The following RBBP8NL variants were observed in gnomAD, a reference collection of about 807,000 sequenced individuals.
RBBP8NL encodes RBBP8 N-terminal-like protein.
RBBP8NL carries 59 observed loss-of-function variants against 62.2 expected under a neutral mutation model. That is an observed-to-expected ratio of 0.95 (90% CI 0.77 to 1.18). RBBP8NL has a LOEUF of 1.18. Ranked by LOEUF, RBBP8NL falls within the 50% of genes most tolerant of loss-of-function variation. The pLI, the probability that RBBP8NL is intolerant of heterozygous loss-of-function variation, is 0.00. For missense variants in RBBP8NL, 896 were observed against 899.5 expected (o/e 1.00, Z 0.05); for synonymous variants, 412 against 394.1 (o/e 1.05, Z -0.54).
chr20:62,413,861 C>A lies in RBBP8NL; in HGVS notation c.1490G>T (p.Gly497Val). The change falls in exon 10 of 14, where the codon GGG (glycine) becomes GTG (valine). Residue 497 changes from glycine (G) to valine (V), a missense_variant. Physicochemically the swap from Gly to Val is moderately radical, Grantham distance 109. Transcript: ENST00000252998. ...CTCCTCCTGCTCTGGCACTCTGGTCCCCTTGGTGCCATTGCTGAGTGCCTG... is the reference window on the plus strand; with the variant it reads ...CTCCTCCTGCTCTGGCACTCTGGTCACCTTGGTGCCATTGCTGAGTGCCTG... ...SPQALSNGTK[G>V]TRVPEQEEAS... 6.3e-7 allele frequency: 1 copy of A among 1,596,332 alleles called. No individual in the cohort carries two copies.
intron 13 of RBBP8NL, among the ~76,000 whole-genome samples, chr20:62,412,288 A>T (rs1250865693): frequency 6.6e-6 from 1 of 152,168 alleles, no homozygotes; most frequent in Non-Finnish European, 1.5e-5. Flanking sequence ...TTCCAGGATG[A>T]TGGTGGGGAC....
chr20:62,415,083 C>T, intron 9 of RBBP8NL, 38 bp downstream of exon 9: 1 of 1,441,232 alleles, frequency 6.9e-7, no homozygotes, highest in Non-Finnish European at 9.2e-7. Context: ...AAGAGCTCAT[C>T]TGAGGCTACT....
At position 62,416,797 on chromosome 20, in the gene RBBP8NL, G is replaced by A. The variant is rs144613214; in HGVS notation, c.276C>T (p.Ser92=). The change falls in exon 5 of 14, where the codon AGC becomes AGT. Residue 92 remains serine (S), a synonymous_variant. Coordinates refer to ENST00000252998, the MANE Select transcript of RBBP8NL (RefSeq NM_080833.3). ...TGCGCTGCAGGTTCTGCAGGTGGGAGCTCTCGAACTCCTGCTGCCGCTTCC... is the reference window on the plus strand; with the variant it reads ...TGCGCTGCAGGTTCTGCAGGTGGGAACTCTCGAACTCCTGCTGCCGCTTCC... The part of the protein sequence containing the change: ...LARKRQQEFE[S]SHLQNLQRIF... 88 of 1,590,808 alleles carry A rather than the reference G, an allele frequency of 5.5e-5. No individual in the cohort carries two copies. The African/African-American group carries it at 1.1e-3, about 19-fold the overall frequency.
chr20:62,410,796 G>A lies in RBBP8NL; in HGVS notation c.*82C>T, dbSNP rs911660266. Reference sequence around the variant, plus strand: ...GGGTTCTGTGCAGGGCTGCCTGCTGGTTGGATGGTGTGCCCTCTCCAGGCC... The same window carrying A: ...GGGTTCTGTGCAGGGCTGCCTGCTGATTGGATGGTGTGCCCTCTCCAGGCC... On this transcript the variant is annotated 3_prime_UTR_variant, in exon 14 of 14. Coordinates refer to ENST00000252998, the MANE Select transcript of RBBP8NL (RefSeq NM_080833.3). 7.6e-6 allele frequency: 7 copies of A among 917,014 alleles called. No individual in the cohort carries two copies. Among genetic ancestry groups the A allele is most frequent in the African/African-American group, 6.6e-5 (4 of 61,058 alleles). The allele number at this position is 917,014 out of a possible 1,614,324, so 56.8% of individuals were successfully genotyped here. A position where few individuals can be genotyped will look rare whatever the true frequency, so the allele number is the denominator to read the frequency against.
intron 11 of RBBP8NL, 139 bp downstream of exon 11, chr20:62,413,262 G>T: frequency 3.6e-6 from 4 of 1,124,772 alleles, no homozygotes; most frequent in Non-Finnish European, 4.8e-6. Context: ...AAGCCCTGGA[G>T]CCTGGGGTTG....
chr20:62,425,996 GAGTGGCAGTGGC>G (rs756633769), intron 1 of RBBP8NL, among the ~76,000 whole-genome samples: 23 of 135,012 alleles, frequency 1.7e-4, no homozygotes, highest in Middle Eastern at 3.6e-3. Flanking sequence ...GTGGCAGTGG[GAGTGGCAGTGGC>G]AGTGGCAGCG....
intron 1 of RBBP8NL, among the ~76,000 whole-genome samples, chr20:62,419,935 T>A (rs1041882596): frequency 6.6e-6 from 1 of 152,120 alleles, no homozygotes; most frequent in African/African-American, 2.4e-5. Flanking sequence ...CTCCCACACG[T>A]ATGTGGCCGG....
chr20:62,411,358 C>T (rs1007511194), intron 13 of RBBP8NL, among the ~76,000 whole-genome samples: 3 of 152,232 alleles, frequency 2.0e-5, no homozygotes, highest in South Asian at 2.1e-4. Context: ...GGGAGGGGCG[C>T]CTGGTTCCTG....
In RBBP8NL at chr20:62,414,186, G is replaced by A; in HGVS notation, c.1165C>T (p.Pro389Ser). 1 of 1,609,604 alleles carries A rather than the reference G, an allele frequency of 6.2e-7. No homozygotes were observed. Among genetic ancestry groups the A allele is most frequent in the Non-Finnish European group, 8.5e-7 (1 of 1,179,254 alleles). ...PTPGEMLPSL[P>S]VGSDSEGPEN... ...GGGCCCTCAGAGTCTGAGCCGACTG[G>A]TAGGGAGGGCAGCATCTCCCCGGGT... The change falls in exon 10 of 14, where the codon CCA becomes TCA. Residue 389 changes from proline (P) to serine (S), a missense_variant. Physicochemically the swap from Pro to Ser is moderately conservative, Grantham distance 74 (BLOSUM62 -1). Transcript: ENST00000252998.
rs1161044164 is a variant in RBBP8NL, at chr20:62,416,793, G to A, written c.280C>T (p.His94Tyr). The A allele has an allele frequency of 5.7e-6, 9 of 1,590,700 alleles. No homozygotes were observed. Among genetic ancestry groups the A allele is most frequent in the Non-Finnish European group, 7.7e-6 (9 of 1,168,222 alleles). Reference protein sequence around the residue: ...RKRQQEFESSHLQNLQRIFIL... With the variant: ...RKRQQEFESSYLQNLQRIFIL... ...AAGATGCGCTGCAGGTTCTGCAGGT[G>A]GGAGCTCTCGAACTCCTGCTGCCGC... Residue 94 changes from histidine to tyrosine, a missense_variant, in exon 5 of 14, where the codon CAC becomes TAC. Transcript: ENST00000252998.
intron 9 of RBBP8NL, among the ~76,000 whole-genome samples, chr20:62,414,784 T>C (rs1988523955): frequency 6.6e-6 from 1 of 152,116 alleles, no homozygotes; most frequent in African/African-American, 2.4e-5. Context: ...TGGCCTGTGG[T>C]CTGGGCTCCA....
intron 1 of RBBP8NL, among the ~76,000 whole-genome samples, chr20:62,424,512 C>G (rs1265080443): frequency 6.6e-6 from 1 of 152,150 alleles, no homozygotes; most frequent in Non-Finnish European, 1.5e-5. Flanking sequence ...AGCACCTTTG[C>G]CTTCGGGGGA....
In RBBP8NL at chr20:62,415,592, G is replaced by T. The variant is rs1292531905; in HGVS notation, c.613C>A (p.Arg205=). Reference sequence around the variant, plus strand: ...CCTGCCCTTACCATGTCTGGGGCTCGCGACTCAGGCAGGGTGGCCCCTGGG... The same window carrying T: ...CCTGCCCTTACCATGTCTGGGGCTCTCGACTCAGGCAGGGTGGCCCCTGGG... ...ISPGATLPES[R]APDMSPQRIS... is the part of the protein sequence containing the mutation. Residue 205 remains arginine, a synonymous_variant, in exon 8 of 14, where the codon CGA becomes AGA. Transcript: ENST00000252998. The T allele has an allele frequency of 5.0e-6, 8 of 1,612,658 alleles. No individual in the cohort carries two copies. The highest frequency in any genetic ancestry group is 6.8e-6 in the Non-Finnish European group (8 of 1,179,892).
intron 1 of RBBP8NL, among the ~76,000 whole-genome samples, chr20:62,424,426 C>G (rs532152294): frequency 6.6e-6 from 1 of 152,314 alleles, no homozygotes; most frequent in African/African-American, 2.4e-5. Context: ...ACGGTCAAAG[C>G]TAGTGAGAGC....
rs755032615 is a variant in RBBP8NL at position 62,416,184 on chromosome 20, C to T, written c.366G>A (p.Val122=). 4 of 1,613,070 alleles carry T rather than the reference C, an allele frequency of 2.5e-6. No individual in the cohort carries two copies. The highest frequency in any genetic ancestry group is 3.4e-6 in the Non-Finnish European group (4 of 1,179,774). The part of the protein sequence containing the change: ...KEENETLKEE[V]KRLRGLGDRP... ...CTCACCCCAGGCCCCGAAGCCGCTTCACCTCCTCCTTCAAGGTCTCGTTCT... is the reference window on the plus strand; with the variant it reads ...CTCACCCCAGGCCCCGAAGCCGCTTTACCTCCTCCTTCAAGGTCTCGTTCT... The change falls in exon 6 of 14, where the codon GTG becomes GTA. Residue 122 remains valine (V), a synonymous_variant. Coordinates refer to ENST00000252998, the MANE Select transcript of RBBP8NL (RefSeq NM_080833.3).
Position 62,414,382 on chromosome 20 carries a change from C to T in RBBP8NL, c.969G>A (p.Lys323=). Residue 323 remains lysine, a synonymous_variant, in exon 10 of 14, where the codon AAG becomes AAA. Coordinates refer to ENST00000252998, the MANE Select transcript of RBBP8NL (RefSeq NM_080833.3). ...CCTCCCAGGCCTCTGCTTCTCTGGC[C>T]TTCAGGTCCTGGAGCCGGGGGTCGC... The part of the protein sequence containing the change: ...APSDPRLQDL[K]AREAEAWEEP... 6.5e-7 allele frequency: 1 copy of T among 1,542,790 alleles called. No individual in the cohort carries two copies. Among genetic ancestry groups the T allele is most frequent in the Non-Finnish European group, 8.8e-7 (1 of 1,139,360 alleles).
intron 2 of RBBP8NL, among the ~76,000 whole-genome samples, chr20:62,419,173 T>A (rs1601489239): frequency 6.6e-6 from 1 of 152,172 alleles, no homozygotes; most frequent in Non-Finnish European, 1.5e-5. Flanking sequence ...GAAGTGGCTG[T>A]CTCTGCCCTG....
chr20:62,419,500 T>C, intron 2 of RBBP8NL, 87 bp downstream of exon 2: 1 of 1,393,546 alleles, frequency 7.2e-7, no homozygotes, highest in East Asian at 2.3e-5. Context: ...TTGGAGGTGA[T>C]CATGGGTGCA....
Position 62,417,335 on chromosome 20 carries a change from G to A in RBBP8NL, c.105-16C>T. 1.3e-6 allele frequency: 2 copies of A among 1,570,252 alleles called. No homozygotes were observed. The highest frequency in any genetic ancestry group is 1.7e-6 in the Non-Finnish European group (2 of 1,155,156). On this transcript the variant is annotated splice_polypyrimidine_tract_variant and intron_variant, in intron 3 of 13. Coordinates refer to ENST00000252998, the MANE Select transcript of RBBP8NL (RefSeq NM_080833.3). ...CTGGGCGTCCCTGTGGTGGGAAACA[G>A]CTAAAGTGGGGTCCTGTTCCATCCA...
Sources: gnomAD v4.1 joint callset for allele counts (sites outside exome capture counted in the v4.1 genomes callset) on GRCh38, gnomAD v4.1.1 for gene constraint, MANE v1.5 for transcripts, NCBI Gene and HGNC (gene_info 2026-07-23, HGNC 2026-07-21) for gene names.